SAMD3: variants seen among roughly 807,000 people sequenced by gnomAD.
SAMD3 encodes the protein sterile alpha motif domain-containing protein 3.
Under a neutral mutation model 58.5 loss-of-function variants are expected in SAMD3, and 63 were observed. The ratio of observed to expected loss-of-function variants is 1.08; its 90% CI spans 0.88 to 1.33. The LOEUF (loss-of-function observed/expected upper bound fraction) is 1.33. Ranked by LOEUF, SAMD3 falls within the 40% of genes most tolerant of loss-of-function variation. SAMD3 has a pLI of 0.00. For synonymous variants in SAMD3, 220 were observed against 210.3 expected, an observed-to-expected ratio of 1.05 and a Z score of -0.40; for missense variants, 604 against 608.4, an observed-to-expected ratio of 0.99 and a Z score of 0.08.
intron 8 of SAMD3, among the ~76,000 whole-genome samples, chr6:130,156,195 C>T (rs145764378): frequency 7.9e-5 from 12 of 151,768 alleles, no homozygotes; most frequent in East Asian, 3.9e-4. Flanking sequence ...AAAAATTAGC[C>T]GACACAGTAG....
At chr6:130,317,196 G>A (rs748266749) in intron 1 of SAMD3, among the ~76,000 whole-genome samples, 19 of 152,156 alleles carry the variant, frequency 1.2e-4, no homozygotes, top group Non-Finnish European at 2.8e-4. Flanking sequence ...AAGGGAGTGG[G>A]AGAAAGAAGG....
intron 2 of SAMD3, among the ~76,000 whole-genome samples, chr6:130,311,521 T>G (rs558584781): frequency 7.2e-5 from 11 of 152,102 alleles, no homozygotes; most frequent in Non-Finnish European, 1.5e-4. Flanking sequence ...AAAAACTGAC[T>G]GAGACTAAGA....
chr6:130,227,967 C>T (rs77975669), intron 2 of SAMD3, among the ~76,000 whole-genome samples: 1,894 of 152,124 alleles, frequency 0.012, 28 homozygotes, highest in African/African-American at 0.043. Context: ...CAAGGATGCA[C>T]AGCTAATTGA....
intron 5 of SAMD3, among the ~76,000 whole-genome samples, chr6:130,204,272 C>A (rs944016136): frequency 2.6e-5 from 4 of 151,932 alleles, no homozygotes; most frequent in Non-Finnish European, 4.4e-5. Context: ...ACAGGGTAGA[C>A]AAAAAAGCAA....
intron 9 of SAMD3, among the ~76,000 whole-genome samples, chr6:130,153,412 A>G (rs1314574399): frequency 6.6e-6 from 1 of 152,110 alleles, no homozygotes; most frequent in African/African-American, 2.4e-5. Context: ...TTAAAATAAT[A>G]CAGGCAATTC....
intron 2 of SAMD3, among the ~76,000 whole-genome samples, chr6:130,230,063 A>G (rs1796499380): frequency 6.6e-6 from 1 of 152,274 alleles, no homozygotes; most frequent in Non-Finnish European, 1.5e-5. Context: ...CTTATGTAAT[A>G]CAATTTGTGG....
chr6:130,219,169 G>A (rs899531593), intron 1 of SAMD3, among the ~76,000 whole-genome samples: 1 of 152,008 alleles, frequency 6.6e-6, no homozygotes, highest in African/African-American at 2.4e-5. Flanking sequence ...AACATTTAAG[G>A]AACAAAACTA....
At chr6:130,271,332 C>T (rs1031737007) in intron 2 of SAMD3, among the ~76,000 whole-genome samples, 11 of 152,110 alleles carry the variant, frequency 7.2e-5, no homozygotes, top group South Asian at 2.1e-4. Flanking sequence ...TTCTGTTTCC[C>T]CTCAACTTCC....
intron 2 of SAMD3, among the ~76,000 whole-genome samples, chr6:130,232,678 T>G (rs1358918804): frequency 6.6e-6 from 1 of 152,116 alleles, no homozygotes; most frequent in East Asian, 1.9e-4. Context: ...AACCTCCTTT[T>G]CCTCATCTGC....
intron 2 of SAMD3, chr6:130,215,700 C>G (rs1225196025): frequency 1.4e-6 from 2 of 1,451,958 alleles, no homozygotes. Context: ...TTGACATTTA[C>G]AGAAGGGGTG....
At chr6:130,254,978 T>C (rs1184848262) in intron 2 of SAMD3, among the ~76,000 whole-genome samples, 1 of 152,218 alleles carries the variant, frequency 6.6e-6, no homozygotes, top group Non-Finnish European at 1.5e-5. Flanking sequence ...TGGCATTTCA[T>C]AAGTTTTGGT....
At position 130,321,600 on chromosome 6, in the gene SAMD3, T is replaced by G. The variant is rs185155805; in HGVS notation, c.-303-8507A>C. Reference sequence around the variant, plus strand: ...CACTGACACATACAATTCCCAGTACTCATTGTCCTCTTACCTTGTTTTTTC... The same window carrying G: ...CACTGACACATACAATTCCCAGTACGCATTGTCCTCTTACCTTGTTTTTTC... On this transcript the variant is annotated intron_variant, in intron 1 of 13. Coordinates refer to the SAMD3 transcript ENST00000368134. Among the ~76,000 whole-genome samples the G allele has an allele frequency of 5.3e-5, 8 of 152,324 alleles. No individual in the cohort carries two copies. In the East Asian group the frequency reaches 1.5e-3, roughly 29 times the overall value.
rs1796521325 is a variant in SAMD3 at position 130,230,723 on chromosome 6, C to A, written c.-187-7910G>T. On this transcript the variant is annotated intron_variant, in intron 2 of 13. Transcript: ENST00000368134. Reference sequence around the variant, plus strand: ...TTCTATGCACAATCCTTGGACCTTTCCTGTTTAGCTTGGCACAGAGTGATT... The same window carrying A: ...TTCTATGCACAATCCTTGGACCTTTACTGTTTAGCTTGGCACAGAGTGATT... Among the ~76,000 whole-genome samples, 10 of 152,192 alleles carry A rather than the reference C, an allele frequency of 6.6e-5. No individual in the cohort carries two copies. In the South Asian group the frequency reaches 2.1e-3, roughly 31 times the overall value.
chr6:130,259,612 A>G (rs1248486221), intron 2 of SAMD3, among the ~76,000 whole-genome samples: 2 of 152,228 alleles, frequency 1.3e-5, no homozygotes, highest in African/African-American at 2.4e-5. Flanking sequence ...GAATAGAAAC[A>G]GGCCCTTTAC....
At chr6:130,283,550 G>C (rs2114953513) in intron 2 of SAMD3, among the ~76,000 whole-genome samples, 1 of 152,248 alleles carries the variant, frequency 6.6e-6, no homozygotes, top group Admixed American at 6.5e-5. Flanking sequence ...GCTGTCACAT[G>C]CTTTTAATAG....
downstream of SAMD3, among the ~76,000 whole-genome samples, chr6:130,143,420 T>A (rs1391281520): frequency 6.6e-6 from 1 of 152,160 alleles, no homozygotes; most frequent in East Asian, 1.9e-4. Flanking sequence ...TAATTTGTTT[T>A]TTTAGTAGAG....
chr6:130,226,009 A>T (rs1434264142), upstream of SAMD3, among the ~76,000 whole-genome samples: 4 of 152,202 alleles, frequency 2.6e-5, no homozygotes, highest in African/African-American at 9.7e-5. Context: ...TATCTCATCC[A>T]GTTATTCTCT....
At chr6:130,343,776 C>A (rs1443434238) in intron 1 of SAMD3, among the ~76,000 whole-genome samples, 1 of 152,116 alleles carries the variant, frequency 6.6e-6, no homozygotes, top group Non-Finnish European at 1.5e-5. Context: ...ACCAGCCTAG[C>A]CAACATGGCG....
chr6:130,159,381 G>C (rs564984281), intron 8 of SAMD3, among the ~76,000 whole-genome samples: 1 of 152,086 alleles, frequency 6.6e-6, no homozygotes, highest in Non-Finnish European at 1.5e-5. Flanking sequence ...TAAATTGCCC[G>C]GTCTCAGGTA....
Sources: gnomAD v4.1 joint callset for allele counts (sites outside exome capture counted in the v4.1 genomes callset) on GRCh38, gnomAD v4.1.1 for gene constraint, MANE v1.5 for transcripts, NCBI Gene and HGNC (gene_info 2026-07-23, HGNC 2026-07-21) for gene names.